PON3: variants seen among roughly 807,000 people sequenced by gnomAD.
PON3 encodes paraoxonase 3, also known as serum paraoxonase/lactonase 3.
In PON3, 37 loss-of-function variants were observed where a neutral mutation model predicts 36.3. The ratio of observed to expected loss-of-function variants is 1.02; its 90% confidence interval spans 0.78 to 1.34. The LOEUF (loss-of-function observed/expected upper bound fraction) is 1.34, where lower values mean the gene tolerates loss of function less well. Ranked by LOEUF, PON3 falls within the 40% of genes most tolerant of loss-of-function variation. The pLI, the probability that PON3 is intolerant of heterozygous loss-of-function variation, is 0.00. For synonymous variants in PON3, 155 were observed against 154.8 expected (o/e 1.00, Z -0.01); for missense variants, 415 against 426.5 (o/e 0.97, Z 0.24).
chr7:95,392,485 T>C (rs1351041570), intron 2 of PON3, among the ~76,000 whole-genome samples: 1 of 152,224 alleles, frequency 6.6e-6, no homozygotes, highest in African/African-American at 2.4e-5. Context: ...TTGACAGTTA[T>C]TTGTATAGTG....
At chr7:95,364,605 C>T (rs1453731863) in intron 5 of PON3, 1 of 184,124 alleles carries the variant, frequency 5.4e-6, no homozygotes, top group Non-Finnish European at 1.2e-5. Flanking sequence ...CTGTGGTCCT[C>T]CTAGGGCCCT....
At chr7:95,395,961 T>A in intron 1 of PON3, 1 of 391,710 alleles carries the variant, frequency 2.6e-6, no homozygotes, top group Non-Finnish European at 4.9e-6. Flanking sequence ...CCAAGCAGAA[T>A]GTTGAGGGCG....
intron 5 of PON3, among the ~76,000 whole-genome samples, chr7:95,366,729 C>G (rs939861298): frequency 1.3e-5 from 2 of 152,140 alleles, no homozygotes; most frequent in Non-Finnish European, 2.9e-5. Context: ...GGGTTTATAC[C>G]CTGTTTCTGC....
chr7:95,387,360 A>G (rs140632117), intron 3 of PON3, among the ~76,000 whole-genome samples: 20 of 152,314 alleles, frequency 1.3e-4, no homozygotes, highest in Non-Finnish European at 2.6e-4. Flanking sequence ...AGAGCCAATC[A>G]TGAGTGAACT....
At chr7:95,390,131 A>G in intron 3 of PON3, 23 bp downstream of exon 3, 3 of 1,583,730 alleles carry the variant, frequency 1.9e-6, no homozygotes, top group Non-Finnish European at 2.6e-6. Flanking sequence ...TGTGAGCATG[A>G]GAGCAGCATG....
intron 4 of PON3, 24 bp downstream of exon 4, chr7:95,372,149 T>TA (rs771688970): frequency 1.9e-5 from 30 of 1,606,234 alleles, no homozygotes; most frequent in Non-Finnish European, 2.1e-5. Flanking sequence ...ATTTCCCCCT[T>TA]ATCCCTAAAC....
At chr7:95,362,970 G>A (rs1808607253) in intron 6 of PON3, 129 bp from the exon 7 acceptor site, 1 of 705,210 alleles carries the variant, frequency 1.4e-6, no homozygotes, top group South Asian at 1.5e-5. Flanking sequence ...CTAAACCACA[G>A]TAAAAGAAGA....
intron 3 of PON3, among the ~76,000 whole-genome samples, chr7:95,378,683 C>A (rs544787979): frequency 6.6e-6 from 1 of 152,124 alleles, no homozygotes; most frequent in Admixed American, 6.5e-5. Flanking sequence ...GAAATAAAAT[C>A]CTTTACAGAC....
intron 3 of PON3, among the ~76,000 whole-genome samples, chr7:95,389,573 C>G (rs1809273145): frequency 1.3e-5 from 2 of 152,122 alleles, no homozygotes; most frequent in African/African-American, 4.8e-5. Context: ...GAAATGCTGT[C>G]CCTGGTGTAA....
At chr7:95,376,253 G>A (rs561833615) in intron 3 of PON3, among the ~76,000 whole-genome samples, 5 of 152,344 alleles carry the variant, frequency 3.3e-5, no homozygotes, top group African/African-American at 1.2e-4. Context: ...AGCTGGCAAA[G>A]TGTGAAGAAG....
chr7:95,386,603 A>T (rs182984604), intron 3 of PON3, among the ~76,000 whole-genome samples: 1 of 152,286 alleles, frequency 6.6e-6, no homozygotes, highest in Admixed American at 6.5e-5. Flanking sequence ...ATCAATAGAA[A>T]AGAAGGAATC....
chr7:95,374,804 G>T (rs1304193881), intron 3 of PON3, among the ~76,000 whole-genome samples: 2 of 152,066 alleles, frequency 1.3e-5, no homozygotes, highest in African/African-American at 4.8e-5. Context: ...AACGTCAAAA[G>T]TTGAGTTCCC....
chr7:95,376,211 C>T (rs1016578580), intron 3 of PON3, among the ~76,000 whole-genome samples: 3 of 152,178 alleles, frequency 2.0e-5, no homozygotes, highest in African/African-American at 7.2e-5. Context: ...TAAAGTGCCA[C>T]CACAATGAAC....
rs566097489 is a variant in PON3, at chr7:95,394,598, G to A, written c.145+46C>T. 3.9e-5 allele frequency: 60 copies of A among 1,541,866 alleles called. 1 individual carries two copies. In the South Asian group the frequency reaches 5.4e-4, roughly 14 times the overall value. On this transcript the variant is annotated intron_variant, in intron 2 of 8. Transcript: ENST00000265627. ...GGTAGGGCTCAGTCAGGTGGATGAC[G>A]ACCAAGAAGCTGTGCTGGCTCCTCT...
chr7:95,365,355 A>G (rs1808666924), intron 5 of PON3: 2 of 152,294 alleles, frequency 1.3e-5, no homozygotes, highest in African/African-American at 2.4e-5. Context: ...TCATGTTGAC[A>G]TTGAGTCATA....
At chr7:95,390,887 C>T (rs1222537849) in intron 2 of PON3, among the ~76,000 whole-genome samples, 3 of 152,130 alleles carry the variant, frequency 2.0e-5, no homozygotes, top group Non-Finnish European at 4.4e-5. Flanking sequence ...GCACGACAGG[C>T]CCCATGCATC....
intron 3 of PON3, among the ~76,000 whole-genome samples, chr7:95,382,954 T>A (rs543345117): frequency 1.3e-5 from 2 of 152,204 alleles, no homozygotes; most frequent in Admixed American, 6.5e-5. Flanking sequence ...AAATCCTCAA[T>A]AAAATACTAG....
chr7:95,378,691 G>A (rs1248093323), intron 3 of PON3, among the ~76,000 whole-genome samples: 2 of 152,152 alleles, frequency 1.3e-5, no homozygotes, highest in African/African-American at 4.8e-5. Context: ...ATCCTTTACA[G>A]ACAACAAATG....
rs1176970252 is a variant in PON3, at chr7:95,372,338, C to T, written c.202G>A (p.Gly68Arg). 6.2e-7 allele frequency: 1 copy of T among 1,613,232 alleles called. No homozygotes were observed. The highest frequency in any genetic ancestry group is 2.2e-5 in the East Asian group (1 of 44,836). ...TTTGGCATGCCTGGATATTTTAATC[C>T]CTTTTAAAAATAAAGAACAAGTGTG... ...LPSGLAFISS[G>R]LKYPGMPNFA... The change falls in exon 4 of 9, where the codon GGA becomes AGA. Residue 68 changes from glycine to arginine, a missense_variant and splice_region_variant. Gly to Arg is a moderately radical substitution (Grantham distance 125). Transcript: ENST00000265627.
Sources: allele counts gnomAD v4.1 joint callset (sites outside exome capture counted in the v4.1 genomes callset), GRCh38; gene constraint gnomAD v4.1.1; transcripts MANE v1.5; gene names NCBI Gene and HGNC (gene_info 2026-07-23, HGNC 2026-07-21).